Variants in BBX observed in about 807,000 individuals in gnomAD.
BBX encodes BBX high mobility group box domain containing.
Under a neutral mutation model 100.2 loss-of-function variants are expected in BBX, and 30 were observed. The observed-to-expected ratio is 0.30, with a 90% CI of 0.22 to 0.41. BBX has a LOEUF of 0.41. Ranked by LOEUF, BBX falls within the 10% of genes least tolerant of loss-of-function variation. BBX has a pLI of 1.00. For missense variants in BBX, 1,023 were observed against 1,129.8 expected, an observed-to-expected ratio of 0.91 and a Z score of 1.35; for synonymous variants, 376 against 388.1, an observed-to-expected ratio of 0.97 and a Z score of 0.37.
intron 13 of BBX, among the ~76,000 whole-genome samples, chr3:107,782,278 G>A (rs1203924185): frequency 1.3e-5 from 2 of 152,032 alleles, no homozygotes; most frequent in African/African-American, 4.8e-5. Context: ...ATGCCCTGCA[G>A]GTGGGAGCAC....
In BBX at chr3:107,809,842, A is replaced by G. The variant is rs1252167201; in HGVS notation, c.*4385A>G. Reference sequence around the variant, plus strand: ...AGATGTTGCTTTTGTTTATACAAGCATTCCCAAAGAACTAGATTTGGATTT... The same window carrying G: ...AGATGTTGCTTTTGTTTATACAAGCGTTCCCAAAGAACTAGATTTGGATTT... On this transcript the variant is annotated 3_prime_UTR_variant, in exon 18 of 18. Coordinates refer to ENST00000325805, the MANE Select transcript of BBX (RefSeq NM_001142568.3). 6.6e-6 allele frequency: 1 copy of G among 152,244 alleles called. No individual in the cohort carries two copies. The highest frequency in any genetic ancestry group is 2.4e-5 in the African/African-American group (1 of 41,460). 9.4% of individuals were successfully genotyped at this position (152,244 alleles called of 1,614,324 possible).
intron 2 of BBX, among the ~76,000 whole-genome samples, chr3:107,618,887 G>A (rs1296943662): frequency 6.6e-6 from 1 of 152,052 alleles, no homozygotes; most frequent in African/African-American, 2.4e-5. Context: ...TGGGTCAGAT[G>A]TTGTGTAAAT....
chr3:107,774,980 C>CT, intron 12 of BBX, 123 bp downstream of exon 12: 3 of 1,177,154 alleles, frequency 2.5e-6, no homozygotes, highest in Non-Finnish European at 3.5e-6. Flanking sequence ...GGACTTCCTA[C>CT]AATCTTAGTA....
At chr3:107,683,310 G>A (rs2059665895) in intron 3 of BBX, among the ~76,000 whole-genome samples, 1 of 152,106 alleles carries the variant, frequency 6.6e-6, no homozygotes, top group South Asian at 2.1e-4. Flanking sequence ...GATTCAAGGT[G>A]TGATGTGGTG....
Position 107,798,688 on chromosome 3 carries a change from A to G in BBX, c.2519A>G (p.Asp840Gly). The G allele has an allele frequency of 1.2e-6, 2 of 1,614,096 alleles. No individual in the cohort carries two copies. Among genetic ancestry groups the G allele is most frequent in the Non-Finnish European group, 1.7e-6 (2 of 1,180,016 alleles). Residue 840 changes from aspartate to glycine, a missense_variant, in exon 16 of 18, where the codon GAT (aspartate) becomes GGT (glycine). By Grantham distance (94) the Asp-to-Gly change is moderately conservative (BLOSUM62 -1). Around this residue, in one of 9 missense-constraint regions of BBX, gnomAD observed 12 missense variants for 30.7 expected, o/e 0.39. Coordinates refer to ENST00000325805, the MANE Select transcript of BBX (RefSeq NM_001142568.3). ...TKITHLVRTA[D>G]GRVSPAGGTL... is the part of the protein sequence containing the mutation. Reference sequence around the variant, plus strand: ...ATTACACACCTTGTCAGGACAGCAGATGGCCGGGTATCACCAGCAGGAGGT... The same window carrying G: ...ATTACACACCTTGTCAGGACAGCAGGTGGCCGGGTATCACCAGCAGGAGGT...
intron 7 of BBX, among the ~76,000 whole-genome samples, chr3:107,741,980 G>A (rs1314324661): frequency 6.6e-6 from 1 of 151,964 alleles, no homozygotes; most frequent in Non-Finnish European, 1.5e-5. Flanking sequence ...ATTTATATTT[G>A]CCATGTCATT....
At chr3:107,777,149 C>A (rs1648401424) in intron 12 of BBX, among the ~76,000 whole-genome samples, 1 of 152,152 alleles carries the variant, frequency 6.6e-6, no homozygotes, top group Non-Finnish European at 1.5e-5. Flanking sequence ...ATAAATCATA[C>A]CTTTGTCTAT....
intron 17 of BBX, among the ~76,000 whole-genome samples, chr3:107,801,975 A>G (rs1379788317): frequency 2.0e-5 from 3 of 152,258 alleles, no homozygotes; most frequent in African/African-American, 7.2e-5. Flanking sequence ...AGTTGTAAGC[A>G]TCAGACGAGA....
chr3:107,683,276 T>C (rs1457239897), intron 3 of BBX, among the ~76,000 whole-genome samples: 2 of 152,170 alleles, frequency 1.3e-5, no homozygotes, highest in Non-Finnish European at 2.9e-5. Flanking sequence ...TTTAGTGTTT[T>C]ATTTGATTTC....
chr3:107,662,662 T>G (rs2058517965), intron 3 of BBX: 1 of 104,750 alleles, frequency 9.5e-6, no homozygotes, highest in East Asian at 3.7e-4. Context: ...TTTTTTTTTT[T>G]GCATTAGAAA....
rs963268727 is a variant in BBX, at chr3:107,643,895, G to A, written c.-83-1941G>A. 6.6e-5 allele frequency among the ~76,000 whole-genome samples: 10 copies of A among 152,134 alleles called. 2 individuals are homozygous for A. The East Asian group carries it at 7.7e-4, about 12-fold the overall frequency. On this transcript the variant is annotated intron_variant, in intron 2 of 17. Coordinates refer to ENST00000325805, the MANE Select transcript of BBX (RefSeq NM_001142568.3). ...GCCTGTGATAGACTTATCACAGGCA[G>A]GACCCTCAGCCTTGAAACTGATGTC...
intron 2 of BBX, among the ~76,000 whole-genome samples, chr3:107,593,947 G>A (rs1401514537): frequency 6.6e-6 from 1 of 152,204 alleles, no homozygotes. Flanking sequence ...TAGAATTGCA[G>A]TTCAGTAGTT....
At chr3:107,797,776 G>A (rs1028783810) in intron 15 of BBX, among the ~76,000 whole-genome samples, 1 of 152,138 alleles carries the variant, frequency 6.6e-6, no homozygotes, top group Non-Finnish European at 1.5e-5. Context: ...CCTTGCTCTT[G>A]ACAGAGTGAC....
In BBX at chr3:107,801,135, A is replaced by G. The variant is rs1439775682; in HGVS notation, c.2592A>G (p.Lys864=). ...PKEQLQRSLP[K]ATETDCNDKC... ...AACAACTGCAGAGGAGTCTCCCTAA[A>G]GCAACTGAGACAGACTGCAATGACA... Residue 864 remains lysine, a synonymous_variant, in exon 17 of 18, where the codon AAA becomes AAG. Transcript: ENST00000325805. 4 of 1,614,216 alleles carry G rather than the reference A, an allele frequency of 2.5e-6. No individual in the cohort carries two copies. In the East Asian group the frequency reaches 8.9e-5, roughly 36 times the overall value.
rs990445184 is a variant in BBX, at chr3:107,675,940, A to G, written c.-10+30031A>G. On this transcript the variant is annotated intron_variant, in intron 3 of 17. Coordinates refer to ENST00000325805, the MANE Select transcript of BBX (RefSeq NM_001142568.3). ...TAAACTATCCTATAAATTAAATATG[A>G]CACCAGAAATAGCAGTGACAAATGG... Among the ~76,000 whole-genome samples, 87 of 152,194 alleles carry G rather than the reference A, an allele frequency of 5.7e-4. 2 individuals carry two copies. Among genetic ancestry groups the G allele is most frequent in the Admixed American group, 5.7e-3 (87 of 15,266 alleles).
intron 9 of BBX, among the ~76,000 whole-genome samples, chr3:107,751,411 A>G (rs2172733): frequency 0.87 from 132,118 of 152,224 alleles, 57,540 homozygotes; most frequent in East Asian, 0.99. Flanking sequence ...ACACTGGGAA[A>G]AAGTTAACTA....
chr3:107,696,629 C>G (rs2060624425), intron 3 of BBX, among the ~76,000 whole-genome samples: 1 of 151,826 alleles, frequency 6.6e-6, no homozygotes, highest in South Asian at 2.1e-4. Context: ...CTGCCCTTAA[C>G]ATTTTTTCCT....
At chr3:107,778,332 G>C (rs375654015) in intron 12 of BBX, 39 bp from the exon 13 acceptor site, 1 of 1,605,286 alleles carries the variant, frequency 6.2e-7, no homozygotes, top group Non-Finnish European at 8.5e-7. Flanking sequence ...TGTCATATTT[G>C]GTCATGTGCT....
rs931012593 is a variant in BBX, at chr3:107,700,723, T to C, written c.-9-9729T>C. Among the ~76,000 whole-genome samples the C allele has an allele frequency of 2.0e-5, 3 of 151,300 alleles. 1 individual carries two copies. Among genetic ancestry groups the C allele is most frequent in the African/African-American group, 7.4e-5 (3 of 40,776 alleles). The stretch of plus-strand genomic sequence containing the variant: ...TGTCCTTGCGATAGTTTGCTGAGAA[T>C]GATGGTTTCCAGCTTCATCCACGTC... On this transcript the variant is annotated intron_variant, in intron 3 of 17. Coordinates refer to ENST00000325805, the MANE Select transcript of BBX (RefSeq NM_001142568.3).
Sources: allele counts gnomAD v4.1 joint callset (sites outside exome capture counted in the v4.1 genomes callset), GRCh38; gene constraint gnomAD v4.1.1; regional missense constraint gnomAD v4.1.1; transcripts MANE v1.5; gene names NCBI Gene and HGNC (gene_info 2026-07-23, HGNC 2026-07-21).